VTI1A: variants seen among roughly 807,000 people sequenced by gnomAD.
VTI1A encodes the protein vesicle transport through interaction with t-SNAREs homolog 1A.
Under a neutral mutation model 34.9 loss-of-function variants are expected in VTI1A, and 22 were observed. The ratio of observed to expected loss-of-function variants is 0.63; its 90% confidence interval spans 0.45 to 0.90. The LOEUF (loss-of-function observed/expected upper bound fraction) is 0.90. Ranked by LOEUF, VTI1A falls within the 40% of genes least tolerant of loss-of-function variation. The pLI is 0.00. For synonymous variants in VTI1A, 87 were observed against 97.3 expected (o/e 0.89, Z 0.62); for missense variants, 268 against 275.6 (o/e 0.97, Z 0.20).
At chr10:112,845,980 G>A in the VTI1A span, among the ~76,000 whole-genome samples, 18 of 152,222 alleles carry the variant, frequency 1.2e-4, no homozygotes, top group East Asian at 3.9e-4. Flanking sequence ...ATCACACCAC[G>A]ACACGCCAGC....
chr10:112,761,707 C>T (rs891754307), intron 7 of VTI1A, among the ~76,000 whole-genome samples: 2 of 151,926 alleles, frequency 1.3e-5, no homozygotes, highest in African/African-American at 4.8e-5. Context: ...GATTCTGTTG[C>T]TGTATTTATT....
chr10:112,852,487 A>AGCATC, the VTI1A span, among the ~76,000 whole-genome samples: 4 of 152,218 alleles, frequency 2.6e-5, no homozygotes, highest in Admixed American at 1.3e-4. Context: ...AAGCAGTGCC[A>AGCATC]GCATCATGGG....
chr10:112,451,265 A>G (rs1847228438), intron 1 of VTI1A, among the ~76,000 whole-genome samples: 1 of 152,168 alleles, frequency 6.6e-6, no homozygotes, highest in African/African-American at 2.4e-5. Flanking sequence ...CAACCTTATA[A>G]TGTAAAAATC....
At chr10:112,499,734 C>G (rs1849157735) in intron 3 of VTI1A, among the ~76,000 whole-genome samples, 1 of 152,204 alleles carries the variant, frequency 6.6e-6, no homozygotes, top group South Asian at 2.1e-4. Flanking sequence ...AATGTGCCAT[C>G]TACACAGTTA....
At chr10:112,480,628 G>A (rs1241271543) in intron 3 of VTI1A, among the ~76,000 whole-genome samples, 1 of 152,156 alleles carries the variant, frequency 6.6e-6, no homozygotes, top group Non-Finnish European at 1.5e-5. Context: ...AGACTTGGAG[G>A]ATAAGGAGGA....
intron 7 of VTI1A, among the ~76,000 whole-genome samples, chr10:112,741,688 T>A (rs1396645518): frequency 6.6e-6 from 1 of 152,236 alleles, no homozygotes; most frequent in African/African-American, 2.4e-5. Context: ...GGTGAGTTTT[T>A]AAAAATTATA....
At chr10:112,846,054 C>T in the VTI1A span, among the ~76,000 whole-genome samples, 3 of 152,122 alleles carry the variant, frequency 2.0e-5, no homozygotes, top group African/African-American at 4.8e-5. Context: ...TTTTGATGTC[C>T]TTTCTGGAGA....
chr10:112,577,109 A>G (rs937015394), intron 5 of VTI1A, among the ~76,000 whole-genome samples: 1 of 152,190 alleles, frequency 6.6e-6, no homozygotes, highest in Non-Finnish European at 1.5e-5. Context: ...AAACATGCCT[A>G]CAAAGAACTC....
intron 3 of VTI1A, among the ~76,000 whole-genome samples, chr10:112,482,809 T>C (rs545834136): frequency 6.6e-6 from 1 of 152,326 alleles, no homozygotes; most frequent in East Asian, 1.9e-4. Flanking sequence ...TCTTTTTACA[T>C]AGGGATGACA....
At chr10:112,676,439 C>T (rs1206656361) in intron 7 of VTI1A, among the ~76,000 whole-genome samples, 1 of 152,080 alleles carries the variant, frequency 6.6e-6, no homozygotes, top group Non-Finnish European at 1.5e-5. Flanking sequence ...TTCTTTTGCC[C>T]TTTTGAATAT....
chr10:112,625,196 A>T (rs186296457), intron 5 of VTI1A, among the ~76,000 whole-genome samples: 1 of 152,240 alleles, frequency 6.6e-6, no homozygotes, highest in African/African-American at 2.4e-5. Flanking sequence ...TTGTGTGTTT[A>T]TGTGTTTGAG....
intron 7 of VTI1A, among the ~76,000 whole-genome samples, chr10:112,703,183 G>A (rs935214938): frequency 1.3e-5 from 2 of 151,864 alleles, no homozygotes; most frequent in Non-Finnish European, 2.9e-5. Flanking sequence ...CCCTTGATAT[G>A]TATTGATAAG....
rs547863573 is a variant in VTI1A at position 112,587,412 on chromosome 10, G to A, written c.427+49082G>A. On this transcript the variant is annotated intron_variant, in intron 5 of 7. Transcript: ENST00000393077. ...TTAAACAATACCAAATTAAAAGCTG[G>A]CATAAAAAAATAAGTCAAACTGTGA... Among the ~76,000 whole-genome samples, 5 of 152,006 alleles carry A rather than the reference G, an allele frequency of 3.3e-5. No individual in the cohort carries two copies. In the East Asian group the frequency reaches 7.7e-4, roughly 23 times the overall value.
chr10:112,638,391 G>A (rs1403439345), intron 5 of VTI1A, among the ~76,000 whole-genome samples: 1 of 151,928 alleles, frequency 6.6e-6, no homozygotes, highest in African/African-American at 2.4e-5. Flanking sequence ...GGTATAGAGG[G>A]GAAATTCCTA....
chr10:112,746,524 G>T (rs1029840153), intron 7 of VTI1A, among the ~76,000 whole-genome samples: 7 of 152,222 alleles, frequency 4.6e-5, no homozygotes, highest in African/African-American at 1.7e-4. Context: ...CCAAAACAGG[G>T]AGTGAAGTGT....
At chr10:112,639,047 A>G (rs1470083530) in intron 5 of VTI1A, among the ~76,000 whole-genome samples, 1 of 152,166 alleles carries the variant, frequency 6.6e-6, no homozygotes, top group African/African-American at 2.4e-5. Context: ...GCCTGTATCA[A>G]GAAATCCTAC....
upstream of VTI1A, chr10:112,447,027 GA>G: frequency 3.6e-6 from 1 of 280,724 alleles, no homozygotes; most frequent in South Asian, 6.8e-5. Context: ...ATCCGGAGCC[GA>G]TTCCCAGAAC....
intron 5 of VTI1A, among the ~76,000 whole-genome samples, chr10:112,564,959 C>T (rs2134343534): frequency 6.6e-6 from 1 of 151,994 alleles, no homozygotes; most frequent in South Asian, 2.1e-4. Context: ...GTATATTTAC[C>T]TCATTGAATG....
intron 5 of VTI1A, among the ~76,000 whole-genome samples, chr10:112,572,116 AC>A (rs1261340131): frequency 6.6e-6 from 1 of 152,136 alleles, no homozygotes; most frequent in African/African-American, 2.4e-5. Flanking sequence ...TTGCTCATTG[AC>A]CCCCGATTCT....
Sources: allele counts gnomAD v4.1 joint callset (sites outside exome capture counted in the v4.1 genomes callset), GRCh38; gene constraint gnomAD v4.1.1; transcripts MANE v1.5; gene names NCBI Gene and HGNC (gene_info 2026-07-23, HGNC 2026-07-21).